TPM2: variants seen among roughly 807,000 people sequenced by gnomAD.
The protein encoded by TPM2 is tropomyosin 2.
A neutral mutation model predicts 41.0 loss-of-function variants in TPM2; 26 were observed. The observed-to-expected ratio is 0.63, with a 90% CI of 0.46 to 0.88. The LOEUF (loss-of-function observed/expected upper bound fraction) is 0.88, where lower values mean the gene tolerates loss of function less well. Ranked by LOEUF, TPM2 falls within the 40% of genes least tolerant of loss-of-function variation. TPM2 has a pLI of 0.00. For synonymous variants in TPM2, 143 were observed against 139.3 expected (o/e 1.03, Z -0.19); for missense variants, 187 against 355.2 (o/e 0.53, Z 3.81).
intron 1 of TPM2, chr9:35,689,477 G>A (rs569798614): frequency 1.1e-6 from 1 of 880,218 alleles, no homozygotes; most frequent in East Asian, 1.2e-4. Context: ...AGGACCAACC[G>A]CGCTCTGCAA....
chr9:35,689,052 G>A (rs1036606411), intron 2 of TPM2, 94 bp downstream of exon 2: 5 of 1,446,720 alleles, frequency 3.5e-6, no homozygotes, highest in Admixed American at 3.4e-5. Context: ...GGGGACATAA[G>A]GGGATAAGGT....
Position 35,684,759 on chromosome 9 carries a change from C to T in TPM2, c.612G>A (p.Leu204=). ...EEELKIVTNN[L]KSLEAQADKY... is the part of the protein sequence containing the mutation. ...TGTCCGCCTGGGCCTCCAGGGATTTCAAGTTGTTGGTAACAATTTTCAGCT... is the reference window on the plus strand; with the variant it reads ...TGTCCGCCTGGGCCTCCAGGGATTTTAAGTTGTTGGTAACAATTTTCAGCT... The change falls in exon 6 of 9, where the codon TTG becomes TTA. Residue 204 remains leucine (L), a synonymous_variant. Coordinates refer to ENST00000645482, the MANE Select transcript of TPM2 (RefSeq NM_003289.4). 6.2e-7 allele frequency: 1 copy of T among 1,613,984 alleles called. No individual in the cohort carries two copies. Among genetic ancestry groups the T allele is most frequent in the East Asian group, 2.2e-5 (1 of 44,860 alleles).
At chr9:35,684,872 G>A (rs1001494830) in intron 5 of TPM2, 65 bp from the exon 6 acceptor site, 6 of 1,613,644 alleles carry the variant, frequency 3.7e-6, no homozygotes, top group African/African-American at 1.3e-5. Flanking sequence ...CAGTGGAGAT[G>A]GCACAGCAGG....
Position 35,685,309 on chromosome 9 carries a change from C to G in TPM2, c.523G>C (p.Glu175Gln), listed in dbSNP as rs1192930095. 1 of 1,614,090 alleles carries G rather than the reference C, an allele frequency of 6.2e-7. No homozygotes were observed. The highest frequency in any genetic ancestry group is 1.7e-5 in the Admixed American group (1 of 60,000). The change falls in exon 5 of 9, where the codon GAG becomes CAG. Residue 175 changes from glutamate to glutamine, a missense_variant. Coordinates refer to ENST00000645482, the MANE Select transcript of TPM2 (RefSeq NM_003289.4). The surrounding 1 kb of genome is among the most constrained non-coding windows in gnomAD (Gnocchi z 5.0). The stretch of plus-strand genomic sequence containing the variant: ...GCCCTCTCCTCCGAGCGCTCCAGCT[C>G]TCCTTCCAGGATCACCAGCTTCCTG... ...VARKLVILEGELERSEERAEV... is the reference protein window; with the variant it reads ...VARKLVILEGQLERSEERAEV...
chr9:35,684,696 G>A lies in TPM2; in HGVS notation c.639+36C>T, dbSNP rs765725901. 7 of 1,613,912 alleles carry A rather than the reference G, an allele frequency of 4.3e-6. No individual in the cohort carries two copies. The East Asian group carries it at 1.1e-4, about 26-fold the overall frequency. ...GGGCCCCTCACCTCCCTCCCCTGTG[G>A]GACCCCATCCTCACTGCCCCTCTGC... On this transcript the variant is annotated intron_variant, in intron 6 of 8. Coordinates refer to ENST00000645482, the MANE Select transcript of TPM2 (RefSeq NM_003289.4).
chr9:35,690,042 G>C (rs1825171235), upstream of TPM2: 3 of 1,349,928 alleles, frequency 2.2e-6, no homozygotes, highest in East Asian at 3.2e-5. Flanking sequence ...CGGCCCGGCC[G>C]GGGGGTGCGG....
intron 8 of TPM2, among the ~76,000 whole-genome samples, chr9:35,683,478 G>A (rs919325016): frequency 7.2e-5 from 11 of 152,164 alleles, no homozygotes; most frequent in Admixed American, 6.5e-4. Context: ...ACCCATGGCA[G>A]CTCCTGCCTC....
intron 2 of TPM2, among the ~76,000 whole-genome samples, chr9:35,687,966 C>A (rs1338927194): frequency 4.6e-5 from 7 of 152,118 alleles, no homozygotes; most frequent in Non-Finnish European, 7.4e-5. Context: ...AAGTTGAGTG[C>A]TGTGTTCAAG....
Position 35,683,171 on chromosome 9 carries a change from G to A in TPM2, c.843C>T (p.Ile281=). ...SEELDNALND[I]TSL is the part of the protein sequence containing the mutation. ...GCTGGCGTGGGGCTCAGAGGGAGGTGATGTCATTGAGTGCGTTGTCCAGTT... is the reference window on the plus strand; with the variant it reads ...GCTGGCGTGGGGCTCAGAGGGAGGTAATGTCATTGAGTGCGTTGTCCAGTT... Residue 281 remains isoleucine (I), a synonymous_variant, in exon 9 of 9, where the codon ATC becomes ATT. Transcript: ENST00000645482. The A allele has an allele frequency of 1.3e-6, 2 of 1,555,022 alleles. No homozygotes were observed. Among genetic ancestry groups the A allele is most frequent in the Admixed American group, 1.9e-5 (1 of 51,898 alleles).
In TPM2 at chr9:35,683,110, G is replaced by T; in HGVS notation, c.*49C>A. ...CTGCTCCCCTCCCCATAGAGAGAAT[G>T]GAAAGGAGAGGAGAGAAGAGAGCTG... On this transcript the variant is annotated 3_prime_UTR_variant, in exon 9 of 9. Coordinates refer to ENST00000645482, the MANE Select transcript of TPM2 (RefSeq NM_003289.4). 6.4e-7 allele frequency: 1 copy of T among 1,551,852 alleles called. No individual in the cohort carries two copies.
chr9:35,682,890 C>T (rs763990832), downstream of TPM2: 43 of 1,473,078 alleles, frequency 2.9e-5, no homozygotes, highest in Admixed American at 1.1e-4. Context: ...TCCGTGGTGG[C>T]GATAGAGGTG....
chr9:35,683,247 G>GC lies in TPM2; in HGVS notation c.773-7_773-6insG. 1 of 1,552,672 alleles carries GC rather than the reference G, an allele frequency of 6.4e-7. No homozygotes were observed. The stretch of plus-strand genomic sequence containing the variant: ...CTTCTGGGCATAGACTTCATCTGGG[G>GC]GGGGTCCAGGGAGGGGACCAGGTGG... On this transcript the variant is annotated splice_polypyrimidine_tract_variant and splice_region_variant and intron_variant, in intron 8 of 8. Transcript: ENST00000645482.
Position 35,683,053 on chromosome 9 carries a change from T to C in TPM2, c.*106A>G. On this transcript the variant is annotated 3_prime_UTR_variant, in exon 9 of 9. Transcript: ENST00000645482. Reference sequence around the variant, plus strand: ...CTCCCTAGGCTGCTCCCAGCCTGGCTGTGCAATGTTGGCAATTTCTGCTCC... The same window carrying C: ...CTCCCTAGGCTGCTCCCAGCCTGGCCGTGCAATGTTGGCAATTTCTGCTCC... 1 of 1,550,958 alleles carries C rather than the reference T, an allele frequency of 6.4e-7. No homozygotes were observed. The highest frequency in any genetic ancestry group is 8.7e-7 in the Non-Finnish European group (1 of 1,146,780).
intron 8 of TPM2, among the ~76,000 whole-genome samples, chr9:35,683,680 T>G (rs571490682): frequency 6.6e-6 from 1 of 152,322 alleles, no homozygotes; most frequent in South Asian, 2.1e-4. Flanking sequence ...AAAGGCAACT[T>G]TAGCCACATC....
In TPM2 at chr9:35,683,246, G is replaced by C. The variant is rs1230541017; in HGVS notation, c.773-5C>G. The C allele has an allele frequency of 1.9e-6, 3 of 1,552,530 alleles. No individual in the cohort carries two copies. The highest frequency in any genetic ancestry group is 2.4e-5 in the South Asian group (2 of 84,352). On this transcript the variant is annotated splice_polypyrimidine_tract_variant and splice_region_variant and intron_variant, in intron 8 of 8. Coordinates refer to ENST00000645482, the MANE Select transcript of TPM2 (RefSeq NM_003289.4). Reference sequence around the variant, plus strand: ...TCTTCTGGGCATAGACTTCATCTGGGGGGGGTCCAGGGAGGGGACCAGGTG... The same window carrying C: ...TCTTCTGGGCATAGACTTCATCTGGCGGGGGTCCAGGGAGGGGACCAGGTG...
Position 35,685,535 on chromosome 9 carries a change from C to T in TPM2, c.391G>A (p.Glu131Lys), listed in dbSNP as rs1824851133. The T allele has an allele frequency of 1.2e-6, 2 of 1,614,218 alleles. No homozygotes were observed. Among genetic ancestry groups the T allele is most frequent in the Non-Finnish European group, 1.7e-6 (2 of 1,180,042 alleles). ...TCCTCATCCTTCATGGCCCGGTTTTCGATGACCTTCATTCCTCTGAAAGGC... is the reference window on the plus strand; with the variant it reads ...TCCTCATCCTTCATGGCCCGGTTTTTGATGACCTTCATTCCTCTGAAAGGC... ...DESERGMKVI[E>K]NRAMKDEEKM... Residue 131 changes from glutamate to lysine, a missense_variant, in exon 4 of 9, where the codon GAA (glutamate) becomes AAA (lysine). Glu to Lys is a moderately conservative substitution (Grantham distance 56). Coordinates refer to ENST00000645482, the MANE Select transcript of TPM2 (RefSeq NM_003289.4). The surrounding 1 kb of genome is among the most constrained non-coding windows in gnomAD (Gnocchi z 5.0).
Position 35,685,294 on chromosome 9 carries a change from C to T in TPM2, c.538G>A (p.Glu180Lys). 1 of 1,614,244 alleles carries T rather than the reference C, an allele frequency of 6.2e-7. No individual in the cohort carries two copies. Among genetic ancestry groups the T allele is most frequent in the East Asian group, 2.2e-5 (1 of 44,874 alleles). Residue 180 changes from glutamate (E) to lysine (K), a missense_variant, in exon 5 of 9, where the codon GAG (glutamate) becomes AAG (lysine). By Grantham distance (56) the Glu-to-Lys change is moderately conservative (BLOSUM62 1). Transcript: ENST00000645482. The surrounding 1 kb of genome is among the most constrained non-coding windows in gnomAD (Gnocchi z 5.0). ...CTCTCGGCCACCTCAGCCCTCTCCT[C>T]CGAGCGCTCCAGCTCTCCTTCCAGG... is the stretch of plus-strand genomic sequence containing the variant. ...VILEGELERS[E>K]ERAEVAESKC... is the part of the protein sequence containing the mutation.
chr9:35,682,313 C>T, downstream of TPM2: 1 of 985,770 alleles, frequency 1.0e-6, no homozygotes, highest in South Asian at 1.4e-5. Flanking sequence ...CAGGGACAAA[C>T]AGATGGACTG....
chr9:35,690,045 G>T, upstream of TPM2: 1 of 1,358,630 alleles, frequency 7.4e-7, no homozygotes. Context: ...CCCGGCCGGG[G>T]GGTGCGGCCG....
Sources: gnomAD v4.1 joint callset for allele counts (sites outside exome capture counted in the v4.1 genomes callset) on GRCh38, gnomAD v4.1.1 for gene constraint, Gnocchi (gnomAD v3.1) non-coding constraint, MANE v1.5 for transcripts, NCBI Gene and HGNC (gene_info 2026-07-23, HGNC 2026-07-21) for gene names.